ADGRE5: variants seen among roughly 807,000 people sequenced by gnomAD.
ADGRE5 encodes the protein CD97 molecule.
A neutral mutation model predicts 100.3 loss-of-function variants in ADGRE5; 72 were observed. That is an observed-to-expected ratio of 0.72 (90% CI 0.59 to 0.87). The LOEUF (loss-of-function observed/expected upper bound fraction) is 0.87. Ranked by LOEUF, ADGRE5 falls within the 40% of genes least tolerant of loss-of-function variation. ADGRE5 has a pLI of 0.00. For missense variants in ADGRE5, 959 were observed against 1,094.7 expected (o/e 0.88, Z 1.75); for synonymous variants, 439 against 447.8 (o/e 0.98, Z 0.25).
chr19:14,406,134 GC>G lies in ADGRE5; in HGVS notation c.1822-195del, dbSNP rs1336155801. 6.6e-6 allele frequency among the ~76,000 whole-genome samples: 1 copy of G among 152,138 alleles called. No homozygotes were observed. Among genetic ancestry groups the G allele is most frequent in the Non-Finnish European group, 1.5e-5 (1 of 68,020 alleles). On this transcript the variant is annotated intron_variant, in intron 14 of 19. Coordinates refer to ENST00000242786, the MANE Select transcript of ADGRE5 (RefSeq NM_078481.4). The surrounding 1 kb of genome is among the most constrained non-coding windows in gnomAD (Gnocchi z 6.0). Reference sequence around the variant, plus strand: ...AGGGCGCTGGCTTTGGAGCTGCCTGGCCACACCCCGAGTGCCCGCTCGCTTC... The same window carrying G: ...AGGGCGCTGGCTTTGGAGCTGCCTGGCACACCCCGAGTGCCCGCTCGCTTC...
In ADGRE5 at chr19:14,402,643, G is replaced by A. The variant is rs749926971; in HGVS notation, c.1230G>A (p.Leu410=). ...GILSIQNMTT[L]LANASLNLHS... is the part of the protein sequence containing the mutation. Reference sequence around the variant, plus strand: ...TCTCCATCCAGAACATGACGACATTGCTGGCCAATGCCTCCTTGAACCTGC... The same window carrying A: ...TCTCCATCCAGAACATGACGACATTACTGGCCAATGCCTCCTTGAACCTGC... Residue 410 remains leucine, a synonymous_variant, in exon 12 of 20, where the codon TTG becomes TTA. Transcript: ENST00000242786. 225 of 1,613,992 alleles carry A rather than the reference G, an allele frequency of 1.4e-4. No individual in the cohort carries two copies. Among genetic ancestry groups the A allele is most frequent in the Non-Finnish European group, 1.9e-4 (222 of 1,180,008 alleles).
At chr19:14,395,987 C>A (rs1021830725) in intron 4 of ADGRE5, among the ~76,000 whole-genome samples, 2 of 152,240 alleles carry the variant, frequency 1.3e-5, no homozygotes, top group African/African-American at 2.4e-5. Context: ...CGTTGGGAAC[C>A]AAGACGTGTC....
rs532842484 is a variant in ADGRE5 at position 14,408,288 on chromosome 19, G to A, written c.*167G>A. 1.0e-5 allele frequency: 8 copies of A among 767,772 alleles called. No homozygotes were observed. The highest frequency in any genetic ancestry group is 2.1e-5 in the Admixed American group (1 of 47,250). 47.6% of individuals were successfully genotyped at this position (767,772 alleles called of 1,614,324 possible). On this transcript the variant is annotated 3_prime_UTR_variant, in exon 20 of 20. Transcript: ENST00000242786. The stretch of plus-strand genomic sequence containing the variant: ...AGCTATAGTCTGGCACCAAAGTCCA[G>A]GACACCCAGTGGGGTGGAGTCGGAG...
intron 9 of ADGRE5, among the ~76,000 whole-genome samples, chr19:14,399,316 A>G (rs1423518557): frequency 1.3e-5 from 2 of 151,324 alleles, no homozygotes; most frequent in Non-Finnish European, 2.9e-5. Flanking sequence ...TAATCCCAGC[A>G]CTTTGGGAGG....
intron 1 of ADGRE5, among the ~76,000 whole-genome samples, chr19:14,386,022 C>T (rs867549819): frequency 6.6e-6 from 1 of 151,860 alleles, no homozygotes. Context: ...CCACCCGCCT[C>T]GGCCTCCCAA....
chr19:14,397,285 C>T lies in ADGRE5; in HGVS notation c.625+62C>T, dbSNP rs761995062. 782 of 1,608,602 alleles carry T rather than the reference C, an allele frequency of 4.9e-4. 1 individual carries two copies. Among genetic ancestry groups the T allele is most frequent in the Non-Finnish European group, 5.4e-4 (632 of 1,175,924 alleles). Reference sequence around the variant, plus strand: ...AAACATCTGATCACATGTTCAACGGCGCCCACACAAACCAAGCAGAATGAG... The same window carrying T: ...AAACATCTGATCACATGTTCAACGGTGCCCACACAAACCAAGCAGAATGAG... On this transcript the variant is annotated intron_variant, in intron 6 of 19. Transcript: ENST00000242786.
At chr19:14,398,955 C>T (rs1346826661) in intron 9 of ADGRE5, among the ~76,000 whole-genome samples, 2 of 151,692 alleles carry the variant, frequency 1.3e-5, no homozygotes, top group African/African-American at 4.8e-5. Context: ...GACCCTCCCA[C>T]CTGAGCCTCC....
rs1185679178 is a variant in ADGRE5, at chr19:14,382,584, T to G, written c.22+1039T>G. 3.3e-5 allele frequency among the ~76,000 whole-genome samples: 5 copies of G among 152,246 alleles called. No individual in the cohort carries two copies. In the East Asian group the frequency reaches 9.7e-4, roughly 29 times the overall value. Reference sequence around the variant, plus strand: ...TAAACAGCATTTTAAAAGTGTTGGCTGGGCACAGTGGCTCACACCTGCAAT... The same window carrying G: ...TAAACAGCATTTTAAAAGTGTTGGCGGGGCACAGTGGCTCACACCTGCAAT... On this transcript the variant is annotated intron_variant, in intron 1 of 19. Transcript: ENST00000242786.
At chr19:14,400,417 G>A (rs1046398720) in intron 9 of ADGRE5, among the ~76,000 whole-genome samples, 1 of 151,946 alleles carries the variant, frequency 6.6e-6, no homozygotes, top group African/African-American at 2.4e-5. Flanking sequence ...GCCTCCAAAC[G>A]CACTGGAAGT....
At chr19:14,405,609 G>A in intron 13 of ADGRE5, 139 bp from the exon 14 acceptor site, 1 of 654,528 alleles carries the variant, frequency 1.5e-6, no homozygotes, top group East Asian at 2.7e-5. Context: ...CAGCTGGTAA[G>A]TGTGGCCAGA....
At chr19:14,382,805 G>T (rs893070790) in intron 1 of ADGRE5, among the ~76,000 whole-genome samples, 8 of 151,912 alleles carry the variant, frequency 5.3e-5, no homozygotes, top group African/African-American at 1.9e-4. Context: ...CGCCTCCTGG[G>T]TTCAAGCGAT....
intron 1 of ADGRE5, among the ~76,000 whole-genome samples, chr19:14,387,877 C>G (rs1301041319): frequency 1.3e-5 from 2 of 151,626 alleles, no homozygotes; most frequent in Non-Finnish European, 2.9e-5. Context: ...GAGTTCGAGA[C>G]CAGCCTGGCC....
Position 14,407,042 on chromosome 19 carries a change from G to GCAACCCCGCTC in ADGRE5, c.2208-17_2208-7dup, listed in dbSNP as rs1232528243. 1 of 1,613,864 alleles carries GCAACCCCGCTC rather than the reference G, an allele frequency of 6.2e-7. No homozygotes were observed. The highest frequency in any genetic ancestry group is 2.2e-5 in the East Asian group (1 of 44,882). On this transcript the variant is annotated intron_variant, in intron 17 of 19. Coordinates refer to ENST00000242786, the MANE Select transcript of ADGRE5 (RefSeq NM_078481.4). ...TGGAGGTGAGGTGGGGGCCCACGCT[G>GCAACCCCGCTC]CAACCCCGCTCCTCGCAGGGCGCTG...
chr19:14,401,111 G>C lies in ADGRE5; in HGVS notation c.898-275G>C, dbSNP rs1256007058. Among the ~76,000 whole-genome samples, 1 of 152,130 alleles carries C rather than the reference G, an allele frequency of 6.6e-6. No individual in the cohort carries two copies. The highest frequency in any genetic ancestry group is 1.9e-4 in the East Asian group (1 of 5,198). On this transcript the variant is annotated intron_variant, in intron 9 of 19. Coordinates refer to ENST00000242786, the MANE Select transcript of ADGRE5 (RefSeq NM_078481.4). The surrounding 1 kb of genome is among the most constrained non-coding windows in gnomAD (Gnocchi z 4.1). ...CACTCAAGCCTGGGCAACAGACTGA[G>C]ACCCTGTCTCAAAAAAAGAAAGAAA... is the stretch of plus-strand genomic sequence containing the variant.
At position 14,406,962 on chromosome 19, in the gene ADGRE5, T is replaced by G; in HGVS notation, c.2207+2T>G. On this transcript the variant is annotated splice_donor_variant, in intron 17 of 19. Transcript: ENST00000242786. LOFTEE classifies it high-confidence loss of function. This position sits in a 1 kb window ranked among gnomAD's most constrained non-coding sequence, Gnocchi z 6.0. ...CATGAAGAAATTAAAGAAGGCGAGG[T>G]GAGAGGAGAGGCTGGAAGGACTTGG... 1 of 1,613,758 alleles carries G rather than the reference T, an allele frequency of 6.2e-7. No individual in the cohort carries two copies. Among genetic ancestry groups the G allele is most frequent in the African/African-American group, 1.3e-5 (1 of 74,980 alleles).
In ADGRE5 at chr19:14,397,143, G is replaced by A; in HGVS notation, c.545G>A (p.Gly182Asp). The stretch of plus-strand genomic sequence containing the variant: ...TCCACCCACTGCCTCAACAACGTGG[G>A]CAGCTATCAGTGCCGCTGCCGCCCG... ...HSSTHCLNNV[G>D]SYQCRCRPGW... The change falls in exon 6 of 20, where the codon GGC becomes GAC. Residue 182 changes from glycine (G) to aspartate (D), a missense_variant. By Grantham distance (94) the Gly-to-Asp change is moderately conservative. This residue lies in a region of ADGRE5 where 83 missense variants were observed against 88.8 expected (regional missense o/e 0.93). Coordinates refer to ENST00000242786, the MANE Select transcript of ADGRE5 (RefSeq NM_078481.4). The A allele has an allele frequency of 6.2e-7, 1 of 1,614,152 alleles. No individual in the cohort carries two copies. The highest frequency in any genetic ancestry group is 1.1e-5 in the South Asian group (1 of 91,080).
intron 9 of ADGRE5, chr19:14,398,433 G>T (rs925280058): frequency 8.4e-6 from 3 of 358,994 alleles, no homozygotes; most frequent in African/African-American, 2.1e-5. Context: ...ACTTTGGAAG[G>T]CCGAGGTGGG....
At chr19:14,385,461 G>A (rs1231632782) in intron 1 of ADGRE5, among the ~76,000 whole-genome samples, 2 of 151,848 alleles carry the variant, frequency 1.3e-5, no homozygotes, top group African/African-American at 4.8e-5. Flanking sequence ...CTATCTCTCT[G>A]GTGAACAGCA....
At position 14,396,457 on chromosome 19, in the gene ADGRE5, T is replaced by C; in HGVS notation, c.462T>C (p.Asp154=). ...CTGGCTTCAAGTTCATACCTGAGGA[T>C]CCGAAGGTCTGCACAGGTAGAGGCC... The part of the protein sequence containing the change: ...CLPGFKFIPE[D]PKVCTDVNEC... The change falls in exon 5 of 20, where the codon GAT becomes GAC. Residue 154 remains aspartate (D), a synonymous_variant. Coordinates refer to ENST00000242786, the MANE Select transcript of ADGRE5 (RefSeq NM_078481.4). 6.2e-7 allele frequency: 1 copy of C among 1,614,290 alleles called. No individual in the cohort carries two copies. The highest frequency in any genetic ancestry group is 8.5e-7 in the Non-Finnish European group (1 of 1,180,050).
Sources: allele counts gnomAD v4.1 joint callset (sites outside exome capture counted in the v4.1 genomes callset), GRCh38; gene constraint gnomAD v4.1.1; regional missense constraint gnomAD v4.1.1; non-coding constraint Gnocchi (gnomAD v3.1); transcripts MANE v1.5; gene names NCBI Gene and HGNC (gene_info 2026-07-23, HGNC 2026-07-21).